TCF7L2: variants seen among roughly 807,000 people sequenced by gnomAD.
TCF7L2 encodes transcription factor 7 like 2.
TCF7L2 carries 23 observed loss-of-function variants against 77.9 expected under a neutral mutation model. That is an observed-to-expected ratio of 0.30 (90% CI 0.21 to 0.42). The LOEUF (loss-of-function observed/expected upper bound fraction) is 0.42. Ranked by LOEUF, TCF7L2 falls within the 10% of genes least tolerant of loss-of-function variation. The pLI, the probability that TCF7L2 is intolerant of heterozygous loss-of-function variation, is 1.00. For synonymous variants in TCF7L2, 413 were observed against 340.2 expected, an observed-to-expected ratio of 1.21 and a Z score of -2.36; for missense variants, 654 against 793.1, an observed-to-expected ratio of 0.82 and a Z score of 2.11.
intron 12 of TCF7L2, among the ~76,000 whole-genome samples, chr10:113,159,421 C>T (rs996679907): frequency 1.2e-4 from 18 of 151,800 alleles, no homozygotes; most frequent in Admixed American, 2.6e-4. Context: ...TCGTTTTGTT[C>T]TGTTTTTATT....
At chr10:113,119,156 G>A (rs905445591) in intron 5 of TCF7L2, among the ~76,000 whole-genome samples, 2 of 152,146 alleles carry the variant, frequency 1.3e-5, no homozygotes, top group South Asian at 2.1e-4. Flanking sequence ...GGACCGCTGC[G>A]AATTCGTGTG....
intron 3 of TCF7L2, among the ~76,000 whole-genome samples, chr10:112,955,771 C>T (rs1193730854): frequency 6.6e-6 from 1 of 152,056 alleles, no homozygotes; most frequent in African/African-American, 2.4e-5. Flanking sequence ...GGAAGGTTTC[C>T]AGGGGCTTGC....
intron 3 of TCF7L2, among the ~76,000 whole-genome samples, chr10:112,956,344 CTTTTTTTTTTTT>C (rs10711698): frequency 8.9e-6 from 1 of 112,250 alleles, no homozygotes; most frequent in Non-Finnish European, 1.8e-5. Context: ...AGTGATTTAC[CTTTTTTTTTTTT>C]TTTTTTTTTT....
chr10:113,014,567 G>T (rs374354033), intron 4 of TCF7L2, among the ~76,000 whole-genome samples: 6 of 151,562 alleles, frequency 4.0e-5, no homozygotes, highest in Admixed American at 3.9e-4. Context: ...CCGAGGGGGC[G>T]CGGATCACCT....
intron 4 of TCF7L2, among the ~76,000 whole-genome samples, chr10:112,969,385 C>T (rs560966303): frequency 6.6e-6 from 1 of 152,174 alleles, no homozygotes; most frequent in Admixed American, 6.5e-5. Context: ...ATCCTTCCTA[C>T]GTTGTTGGAT....
intron 5 of TCF7L2, among the ~76,000 whole-genome samples, chr10:113,132,640 G>T (rs570788546): frequency 5.3e-5 from 8 of 152,144 alleles, no homozygotes; most frequent in Non-Finnish European, 1.0e-4. Context: ...TTTATTTCTG[G>T]CTCGATTTTG....
At position 113,065,283 on chromosome 10, in the gene TCF7L2, T is replaced by C. The variant is rs144905601; in HGVS notation, c.552+25157T>C. On this transcript the variant is annotated intron_variant, in intron 5 of 13. Coordinates refer to ENST00000627217, the MANE Select transcript of TCF7L2 (RefSeq NM_001146274.2). Reference sequence around the variant, plus strand: ...ATGCCTCCTGTTTAGAAGTCTGAAATGTCACATCCAGACAGTTTGGAAACA... The same window carrying C: ...ATGCCTCCTGTTTAGAAGTCTGAAACGTCACATCCAGACAGTTTGGAAACA... Among the ~76,000 whole-genome samples, 714 of 152,332 alleles carry C rather than the reference T, an allele frequency of 4.7e-3. 6 individuals are homozygous for C. Among genetic ancestry groups the C allele is most frequent in the African/African-American group, 0.016 (665 of 41,564 alleles).
chr10:112,976,397 C>G lies in TCF7L2; in HGVS notation c.450+11773C>G, dbSNP rs373856915. 2.6e-5 allele frequency among the ~76,000 whole-genome samples: 4 copies of G among 152,238 alleles called. No individual in the cohort carries two copies. The South Asian group carries it at 8.3e-4, about 32-fold the overall frequency. On this transcript the variant is annotated intron_variant, in intron 4 of 13. Coordinates refer to ENST00000627217, the MANE Select transcript of TCF7L2 (RefSeq NM_001146274.2). ...TTATGACTCCTATTCCTGTTGGTTG[C>G]TGTTTGCATTTCTCTTATGTCACTG...
intron 3 of TCF7L2, among the ~76,000 whole-genome samples, chr10:112,953,438 C>G (rs1167690916): frequency 6.6e-6 from 1 of 152,216 alleles, no homozygotes; most frequent in East Asian, 1.9e-4. Context: ...CGGGACCGTT[C>G]GGCTCAGAAT....
chr10:113,157,116 G>GT (rs999359760), intron 11 of TCF7L2, among the ~76,000 whole-genome samples: 32 of 152,060 alleles, frequency 2.1e-4, no homozygotes, highest in African/African-American at 5.6e-4. Flanking sequence ...TTTTTTGTTT[G>GT]TTTTTTGTTT....
intron 5 of TCF7L2, among the ~76,000 whole-genome samples, chr10:113,121,341 A>T (rs187636946): frequency 6.6e-6 from 1 of 152,250 alleles, no homozygotes; most frequent in East Asian, 1.9e-4. Flanking sequence ...TTTCATGACA[A>T]CATGCCATTA....
intron 11 of TCF7L2, among the ~76,000 whole-genome samples, chr10:113,155,817 G>C (rs1212727829): frequency 6.6e-6 from 1 of 152,220 alleles, no homozygotes; most frequent in Non-Finnish European, 1.5e-5. Context: ...TCACGTGGGA[G>C]AGGCGCGGGC....
In TCF7L2 at chr10:113,063,934, G is replaced by A. The variant is rs368418860; in HGVS notation, c.552+23808G>A. On this transcript the variant is annotated intron_variant, in intron 5 of 13. Transcript: ENST00000627217. ...TGTGTGTGTGTGTGTTTCGTTGGAT[G>A]GATGGATGATGTGTCGTCATCCAAG... Among the ~76,000 whole-genome samples, 22 of 148,860 alleles carry A rather than the reference G, an allele frequency of 1.5e-4. 1 individual carries two copies. The South Asian group carries it at 4.7e-3, about 32-fold the overall frequency.
chr10:113,144,898 C>T (rs148164280), intron 7 of TCF7L2, among the ~76,000 whole-genome samples: 125 of 152,270 alleles, frequency 8.2e-4, no homozygotes, highest in African/African-American at 2.6e-3. Context: ...ATATGTGTTT[C>T]GTGATTGTTT....
intron 5 of TCF7L2, among the ~76,000 whole-genome samples, chr10:113,085,358 C>A (rs926767728): frequency 6.6e-6 from 1 of 152,036 alleles, no homozygotes; most frequent in Non-Finnish European, 1.5e-5. Context: ...GTGTAAGCCA[C>A]CACACCCAGC....
chr10:113,041,879 T>G (rs1438319463), intron 5 of TCF7L2, among the ~76,000 whole-genome samples: 1 of 152,194 alleles, frequency 6.6e-6, no homozygotes, highest in Non-Finnish European at 1.5e-5. Flanking sequence ...CCCACATTTA[T>G]TTTTTAGCTA....
intron 5 of TCF7L2, among the ~76,000 whole-genome samples, chr10:113,104,771 C>A (rs2062074187): frequency 6.6e-6 from 1 of 152,184 alleles, no homozygotes. Context: ...TCAAGGAACA[C>A]AATTCTACTC....
chr10:113,111,794 A>G (rs2063162124), intron 5 of TCF7L2, among the ~76,000 whole-genome samples: 1 of 151,438 alleles, frequency 6.6e-6, no homozygotes, highest in African/African-American at 2.4e-5. Context: ...CTTTTCTTTA[A>G]ATAAATAAAA....
intron 13 of TCF7L2, among the ~76,000 whole-genome samples, chr10:113,164,518 C>T (rs965579814): frequency 2.6e-5 from 4 of 151,952 alleles, no homozygotes; most frequent in Non-Finnish European, 4.4e-5. Flanking sequence ...GCAGGATGCC[C>T]CTCCATCCAT....
Sources: gnomAD v4.1 joint callset for allele counts (sites outside exome capture counted in the v4.1 genomes callset) on GRCh38, gnomAD v4.1.1 for gene constraint, MANE v1.5 for transcripts, NCBI Gene and HGNC (gene_info 2026-07-23, HGNC 2026-07-21) for gene names.